The following ATP8B1 variants were observed in gnomAD, a reference collection of about 807,000 sequenced individuals.
ATP8B1 encodes ATPase phospholipid transporting 8B1.
In ATP8B1, 80 loss-of-function variants were observed where a neutral mutation model predicts 149.9. The ratio of observed to expected loss-of-function variants is 0.53; its 90% CI spans 0.45 to 0.64. The LOEUF is 0.64. ATP8B1 is among the 30% of genes least tolerant of loss of function. The pLI, the probability that ATP8B1 is intolerant of heterozygous loss-of-function variation, is 0.00. For missense variants in ATP8B1, 1,247 were observed against 1,552.6 expected (o/e 0.80, Z 3.31); for synonymous variants, 536 against 562.8 (o/e 0.95, Z 0.67).
intron 1 of ATP8B1, chr18:57,737,633 G>C (rs1370435128): frequency 6.7e-6 from 1 of 149,556 alleles, no homozygotes; most frequent in Non-Finnish European, 1.5e-5. Context: ...CTCAAACTCC[G>C]GGCCCCAAGC....
chr18:57,730,646 ATG>A (rs1353189337), intron 2 of ATP8B1, among the ~76,000 whole-genome samples: 4 of 152,150 alleles, frequency 2.6e-5, no homozygotes, highest in African/African-American at 9.7e-5. Context: ...GCCTTCAGTG[ATG>A]TACTGTCTGC....
intron 1 of ATP8B1, among the ~76,000 whole-genome samples, chr18:57,763,217 G>A (rs1471349125): frequency 6.6e-6 from 1 of 152,000 alleles, no homozygotes; most frequent in Admixed American, 6.6e-5. Flanking sequence ...ACATGGAGAG[G>A]CCCTGTCTCT....
chr18:57,725,783 G>T (rs994579485), intron 2 of ATP8B1, among the ~76,000 whole-genome samples: 12 of 152,224 alleles, frequency 7.9e-5, no homozygotes, highest in Admixed American at 5.9e-4. Flanking sequence ...ATTGGGGAAA[G>T]GCAGTCTCTT....
At position 57,652,083 on chromosome 18, in the gene ATP8B1, A is replaced by T. The variant is rs1432901675; in HGVS notation, c.3351T>A (p.Phe1117Leu). Residue 1117 changes from phenylalanine to leucine, a missense_variant, in exon 26 of 28, where the codon TTT (phenylalanine) becomes TTA (leucine). By Grantham distance (22) the Phe-to-Leu change is conservative. This residue lies in a region of ATP8B1 where 230 missense variants were observed against 356.6 expected (regional missense o/e 0.65). Coordinates refer to ENST00000648908, the MANE Select transcript of ATP8B1 (RefSeq NM_001374385.1). ...AGAGAACATGTATTCCAGCACTATG[A>T]AAGTCAAACATGATGCCAAAATAAA... ...IALYFGIMFD[F>L]HSAGIHVLFP... The T allele has an allele frequency of 1.2e-6, 2 of 1,613,978 alleles. No homozygotes were observed. The highest frequency in any genetic ancestry group is 2.7e-5 in the African/African-American group (2 of 74,942).
At chr18:57,656,273 C>T (rs1909988099) in intron 22 of ATP8B1, among the ~76,000 whole-genome samples, 1 of 152,066 alleles carries the variant, frequency 6.6e-6, no homozygotes. Context: ...ACAGAAAACC[C>T]AAGCTGAGCC....
At position 57,731,829 on chromosome 18, in the gene ATP8B1, C is replaced by A; in HGVS notation, c.-22G>T. 2 of 1,613,898 alleles carry A rather than the reference C, an allele frequency of 1.2e-6. No homozygotes were observed. The highest frequency in any genetic ancestry group is 1.7e-6 in the Non-Finnish European group (2 of 1,179,914). On this transcript the variant is annotated 5_prime_UTR_variant, in exon 2 of 28. Coordinates refer to ENST00000648908, the MANE Select transcript of ATP8B1 (RefSeq NM_001374385.1). ...TCATTCTGCTGGCAAATTGGAACTA[C>A]CTGCTTAAAAGGAAAGAGAAACCAG...
intron 3 of ATP8B1, among the ~76,000 whole-genome samples, chr18:57,705,992 G>T (rs1371916924): frequency 6.6e-6 from 1 of 152,160 alleles, no homozygotes; most frequent in Non-Finnish European, 1.5e-5. Context: ...CTCCCAAGTA[G>T]CTGAGACTGT....
intron 1 of ATP8B1, among the ~76,000 whole-genome samples, chr18:57,766,038 T>C (rs954218743): frequency 7.9e-5 from 12 of 152,030 alleles, no homozygotes; most frequent in Non-Finnish European, 1.6e-4. Flanking sequence ...CAATAATTTT[T>C]TTTTCTTTTC....
At chr18:57,688,706 T>G in intron 12 of ATP8B1, 199 bp from the exon 13 acceptor site, 1 of 615,854 alleles carries the variant, frequency 1.6e-6, no homozygotes, top group Non-Finnish European at 2.9e-6. Context: ...TAGAAGGTCA[T>G]TAGGTCATGA....
chr18:57,706,601 G>T lies in ATP8B1; in HGVS notation c.182-14C>A, dbSNP rs776922504. 5.0e-6 allele frequency: 8 copies of T among 1,604,016 alleles called. 1 individual carries two copies. In the South Asian group the frequency reaches 8.9e-5, roughly 18 times the overall value. On this transcript the variant is annotated splice_polypyrimidine_tract_variant and intron_variant, in intron 2 of 27. Coordinates refer to ENST00000648908, the MANE Select transcript of ATP8B1 (RefSeq NM_001374385.1). The stretch of plus-strand genomic sequence containing the variant: ...GCCATGTACATTCTTTAAAAAAAAG[G>T]GAGAAAAGTTCGTAAGTAGCAAATT...
chr18:57,787,420 T>C (rs1350433082), intron 1 of ATP8B1, among the ~76,000 whole-genome samples: 2 of 134,672 alleles, frequency 1.5e-5, no homozygotes, highest in African/African-American at 5.0e-5. Context: ...AGGAGCTCCA[T>C]CTAGAACACT....
rs1156462466 is a variant in ATP8B1, at chr18:57,661,376, C to T, written c.2505G>A (p.Arg835=). ...CTTCTAGCCTCCTTTTACTTTGGGT[C>T]CGCATCCGTCTTTCTTCTTCTGTTC... The part of the protein sequence containing the change: ...FPRTEEERRM[R]TQSKRRLEAK... Residue 835 remains arginine (R), a synonymous_variant, in exon 22 of 28, where the codon CGG becomes CGA. Transcript: ENST00000648908. 1.2e-6 allele frequency: 2 copies of T among 1,613,920 alleles called. No homozygotes were observed. The highest frequency in any genetic ancestry group is 1.7e-5 in the Admixed American group (1 of 59,982).
chr18:57,689,771 A>C (rs111876918), intron 12 of ATP8B1, among the ~76,000 whole-genome samples: 6 of 152,316 alleles, frequency 3.9e-5, no homozygotes, highest in African/African-American at 1.4e-4. Flanking sequence ...TAATTCCAAC[A>C]CTTTGGGAGG....
intron 22 of ATP8B1, 126 bp downstream of exon 22, chr18:57,661,048 T>G: frequency 7.6e-7 from 1 of 1,310,480 alleles, no homozygotes. Flanking sequence ...AGTGACTTTA[T>G]GAAACATCTG....
At chr18:57,659,537 C>T (rs369013345) in intron 22 of ATP8B1, among the ~76,000 whole-genome samples, 17 of 151,628 alleles carry the variant, frequency 1.1e-4, no homozygotes, top group African/African-American at 2.2e-4. Context: ...CCTTTTGGCA[C>T]GGCTAGTTAC....
At chr18:57,650,028 A>G (rs1909498971) in intron 27 of ATP8B1, among the ~76,000 whole-genome samples, 2 of 152,218 alleles carry the variant, frequency 1.3e-5, no homozygotes, top group Admixed American at 1.3e-4. Context: ...ATCCTGCTAC[A>G]GAAGGTGACA....
In ATP8B1 at chr18:57,655,366, A is replaced by G; in HGVS notation, c.2759T>C (p.Met920Thr). The change falls in exon 23 of 28, where the codon ATG (methionine) becomes ACG (threonine). Residue 920 changes from methionine to threonine, a missense_variant. Physicochemically the swap from Met to Thr is moderately conservative, Grantham distance 81. Coordinates refer to ENST00000648908, the MANE Select transcript of ATP8B1 (RefSeq NM_001374385.1). The stretch of plus-strand genomic sequence containing the variant: ...CTGAGCAAAGGAATAGTCACTCGAC[A>G]TGACAGCTTGCATTCCTTCTTGTCC... ...ISGQEGMQAV[M>T]SSDYSFAQFR... 1 of 1,614,244 alleles carries G rather than the reference A, an allele frequency of 6.2e-7. No individual in the cohort carries two copies. The highest frequency in any genetic ancestry group is 1.6e-4 in the Middle Eastern group (1 of 6,062).
rs1199021698 is a variant in ATP8B1, at chr18:57,700,902, G to A, written c.554+137C>T. The A allele has an allele frequency of 5.2e-6, 5 of 964,468 alleles. No homozygotes were observed. In the Admixed American group the frequency reaches 9.8e-5, roughly 19 times the overall value. The allele number at this position is 964,468 out of a possible 1,614,324, so 59.7% of individuals were successfully genotyped here. On this transcript the variant is annotated intron_variant, in intron 6 of 27. Coordinates refer to ENST00000648908, the MANE Select transcript of ATP8B1 (RefSeq NM_001374385.1). ...ACTGCACTCCAGCCTGGGCGACAGA[G>A]CGAGACTCTATCTCGAAAAAAATAA... is the stretch of plus-strand genomic sequence containing the variant.
At chr18:57,680,620 A>C (rs140407939) in intron 15 of ATP8B1, among the ~76,000 whole-genome samples, 118 of 133,204 alleles carry the variant, frequency 8.9e-4, no homozygotes, top group African/African-American at 2.1e-3. Context: ...CAAAACAAAA[A>C]AAAAACCACA....
Sources: gnomAD v4.1 joint callset for allele counts (sites outside exome capture counted in the v4.1 genomes callset) on GRCh38, gnomAD v4.1.1 for gene constraint, gnomAD v4.1.1 regional missense constraint, MANE v1.5 for transcripts, NCBI Gene and HGNC (gene_info 2026-07-23, HGNC 2026-07-21) for gene names.